CPEB3: variants seen among roughly 807,000 people sequenced by gnomAD.
CPEB3 encodes cytoplasmic polyadenylation element-binding protein 3.
CPEB3 carries 20 observed loss-of-function variants against 67.2 expected under a neutral mutation model. The observed-to-expected ratio is 0.30, with a 90% CI of 0.21 to 0.43. The LOEUF (loss-of-function observed/expected upper bound fraction) is 0.43, where lower values mean the gene tolerates loss of function less well. Among genes scored for constraint, CPEB3 ranks in the 20% least tolerant of loss-of-function variants. The pLI, the probability that CPEB3 is intolerant of heterozygous loss-of-function variation, is 1.00. For missense variants in CPEB3, 746 were observed against 968.6 expected (o/e 0.77, Z 3.05); for synonymous variants, 376 against 393.1 (o/e 0.96, Z 0.51).
chr10:92,053,536 TTC>T lies in CPEB3; in HGVS notation c.1870-1099_1870-1098del, dbSNP rs1273939860. Among the ~76,000 whole-genome samples, 29 of 134,174 alleles carry T rather than the reference TTC, an allele frequency of 2.2e-4. 1 individual carries two copies. In the East Asian group the frequency reaches 5.6e-3, roughly 26 times the overall value. 88.0% of individuals were successfully genotyped at this position (134,174 alleles called of 152,430 possible). ...GCGCCACCACGCTCGGCTAATTTTT[TTC>T]TTTTTCTTTTTTTTTTTTTTTGAGA... On this transcript the variant is annotated intron_variant, in intron 9 of 9. Transcript: ENST00000265997.
intron 2 of CPEB3, among the ~76,000 whole-genome samples, chr10:92,208,628 CTG>C (rs1240014924): frequency 6.8e-6 from 1 of 147,192 alleles, no homozygotes; most frequent in East Asian, 2.0e-4. Context: ...GAGTCTCACT[CTG>C]TTGCCCAGGC....
At chr10:92,154,545 T>C (rs1165462278) in intron 4 of CPEB3, among the ~76,000 whole-genome samples, 1 of 152,200 alleles carries the variant, frequency 6.6e-6, no homozygotes, top group Admixed American at 6.5e-5. Context: ...TAAAACCCTC[T>C]TTCTAAAGCC....
chr10:92,240,443 G>A, intron 1 of CPEB3, 82 bp from the exon 2 acceptor site: 1 of 1,327,058 alleles, frequency 7.5e-7, no homozygotes, highest in Non-Finnish European at 9.9e-7. Context: ...TGTTTCACTT[G>A]CGAAAATCCA....
At chr10:92,194,121 G>A (rs1329056828) in intron 2 of CPEB3, among the ~76,000 whole-genome samples, 1 of 150,110 alleles carries the variant, frequency 6.7e-6, no homozygotes, top group Non-Finnish European at 1.5e-5. Context: ...TGACCAGTAA[G>A]TTACATATAT....
At chr10:92,102,838 C>T (rs1844256600) in intron 7 of CPEB3, among the ~76,000 whole-genome samples, 1 of 152,134 alleles carries the variant, frequency 6.6e-6, no homozygotes, top group Non-Finnish European at 1.5e-5. Context: ...TACTTCTATC[C>T]AGCTATTTTA....
chr10:92,207,258 C>T (rs1473664627), intron 2 of CPEB3, among the ~76,000 whole-genome samples: 1 of 152,114 alleles, frequency 6.6e-6, no homozygotes, highest in Non-Finnish European at 1.5e-5. Flanking sequence ...GCTGGAATTA[C>T]AGGCATGCAC....
intron 9 of CPEB3, among the ~76,000 whole-genome samples, chr10:92,062,698 C>A (rs1323505341): frequency 6.6e-6 from 1 of 152,204 alleles, no homozygotes; most frequent in Non-Finnish European, 1.5e-5. Flanking sequence ...TTTTTCCCAA[C>A]AAACAAATAT....
intron 2 of CPEB3, among the ~76,000 whole-genome samples, chr10:92,227,298 T>G (rs2134511411): frequency 6.6e-6 from 1 of 152,230 alleles, no homozygotes; most frequent in East Asian, 1.9e-4. Context: ...ATTATTTATG[T>G]GGAAAGTATG....
chr10:92,153,547 A>G (rs927095815), intron 4 of CPEB3, among the ~76,000 whole-genome samples: 4 of 152,136 alleles, frequency 2.6e-5, no homozygotes, highest in Admixed American at 2.6e-4. Context: ...GCACTTTGGG[A>G]GGCCGAGGCG....
intron 4 of CPEB3, among the ~76,000 whole-genome samples, chr10:92,175,315 T>C (rs143403508): frequency 4.0e-4 from 61 of 151,946 alleles, no homozygotes; most frequent in African/African-American, 1.2e-3. Flanking sequence ...CATGTATTAA[T>C]AGTTCATTCC....
rs1021410799 is a variant in CPEB3, at chr10:92,144,964, A to T, written c.1344T>A (p.Leu448=). 2.5e-6 allele frequency: 4 copies of T among 1,614,024 alleles called. No homozygotes were observed. The highest frequency in any genetic ancestry group is 3.4e-6 in the Non-Finnish European group (4 of 1,180,036). ...RYSRKVFVGG[L]PPDIDEDEIT... Reference sequence around the variant, plus strand: ...TAGTACCTTCATCAATATCAGGAGGAAGTCCTCCAACAAACACCTTTCTAG... The same window carrying T: ...TAGTACCTTCATCAATATCAGGAGGTAGTCCTCCAACAAACACCTTTCTAG... The change falls in exon 5 of 10, where the codon CTT becomes CTA. Residue 448 remains leucine (L), a synonymous_variant. Transcript: ENST00000265997.
intron 6 of CPEB3, among the ~76,000 whole-genome samples, chr10:92,142,603 G>A (rs895683282): frequency 2.0e-5 from 3 of 152,128 alleles, no homozygotes; most frequent in African/African-American, 7.2e-5. Flanking sequence ...AGATAATTTT[G>A]TACAATGCCA....
chr10:92,258,857 A>G (rs1168149208), intron 1 of CPEB3, among the ~76,000 whole-genome samples: 1 of 150,534 alleles, frequency 6.6e-6, no homozygotes, highest in Non-Finnish European at 1.5e-5. Flanking sequence ...TGGGGTTTTC[A>G]CCATATTAGC....
intron 8 of CPEB3, among the ~76,000 whole-genome samples, chr10:92,086,268 TGAG>T (rs774553462): frequency 2.0e-5 from 3 of 152,310 alleles, no homozygotes; most frequent in South Asian, 2.1e-4. Context: ...AGATTAAACT[TGAG>T]GAGGACTTTC....
chr10:92,077,429 A>G (rs940734540), intron 9 of CPEB3, among the ~76,000 whole-genome samples: 1 of 152,188 alleles, frequency 6.6e-6, no homozygotes, highest in African/African-American at 2.4e-5. Flanking sequence ...AGCCCAACTC[A>G]AGATGGAAGT....
chr10:92,168,479 G>A (rs1847847969), intron 4 of CPEB3, among the ~76,000 whole-genome samples: 1 of 151,974 alleles, frequency 6.6e-6, no homozygotes, highest in South Asian at 2.1e-4. Flanking sequence ...AGCTGATATG[G>A]TTTGACTATG....
At chr10:92,281,258 G>A (rs1475488251) in intron 1 of CPEB3, among the ~76,000 whole-genome samples, 1 of 151,176 alleles carries the variant, frequency 6.6e-6, no homozygotes, top group African/African-American at 2.4e-5. Flanking sequence ...TTTTTGGGCG[G>A]GGGTGCAGGA....
At chr10:92,237,954 A>G (rs1433693443) in intron 2 of CPEB3, among the ~76,000 whole-genome samples, 1 of 152,210 alleles carries the variant, frequency 6.6e-6, no homozygotes, top group Non-Finnish European at 1.5e-5. Context: ...AAAGTTAAAA[A>G]TCATTACTCT....
At chr10:92,223,841 C>T (rs1302628585) in intron 2 of CPEB3, among the ~76,000 whole-genome samples, 2 of 151,578 alleles carry the variant, frequency 1.3e-5, no homozygotes, top group African/African-American at 4.8e-5. Context: ...CTCCAACTCC[C>T]GGATTCAAGC....
Sources: gnomAD v4.1 joint callset for allele counts (sites outside exome capture counted in the v4.1 genomes callset) on GRCh38, gnomAD v4.1.1 for gene constraint, MANE v1.5 for transcripts, NCBI Gene and HGNC (gene_info 2026-07-23, HGNC 2026-07-21) for gene names.